SIPA1L1: variants seen among roughly 807,000 people sequenced by gnomAD.
SIPA1L1 encodes signal-induced proliferation-associated 1-like protein 1.
SIPA1L1 carries 26 observed loss-of-function variants against 162.7 expected under a neutral mutation model. That is an observed-to-expected ratio of 0.16 (90% CI 0.12 to 0.22). SIPA1L1 has a LOEUF of 0.22. Among genes scored for constraint, SIPA1L1 ranks in the 10% least tolerant of loss-of-function variants. The pLI is 1.00. For synonymous variants in SIPA1L1, 829 were observed against 837.4 expected (o/e 0.99, Z 0.17); for missense variants, 1,874 against 2,241.0 (o/e 0.84, Z 3.31).
At chr14:71,537,869 C>T (rs1481791229) in intron 4 of SIPA1L1, among the ~76,000 whole-genome samples, 1 of 152,328 alleles carries the variant, frequency 6.6e-6, no homozygotes, top group East Asian at 1.9e-4. Context: ...AAATCTGCCA[C>T]TGTTCCTTTA....
At chr14:71,602,911 A>C (rs762150260) in intron 5 of SIPA1L1, among the ~76,000 whole-genome samples, 1 of 152,242 alleles carries the variant, frequency 6.6e-6, no homozygotes, top group Non-Finnish European at 1.5e-5. Context: ...ATCCATGGAA[A>C]AATTGTCTTC....
chr14:71,425,373 C>T (rs527957181), intron 2 of SIPA1L1, among the ~76,000 whole-genome samples: 6 of 152,196 alleles, frequency 3.9e-5, no homozygotes, highest in South Asian at 2.1e-4. Flanking sequence ...CCTCTCAGCA[C>T]TGCCTTTGCT....
At chr14:71,450,764 A>G (rs1398057039) in intron 2 of SIPA1L1, among the ~76,000 whole-genome samples, 1 of 152,170 alleles carries the variant, frequency 6.6e-6, no homozygotes, top group Non-Finnish European at 1.5e-5. Context: ...AAGTGTTTTG[A>G]GAGGATGGGG....
intron 13 of SIPA1L1, among the ~76,000 whole-genome samples, chr14:71,698,132 G>A (rs987474493): frequency 1.3e-5 from 2 of 152,184 alleles, no homozygotes; most frequent in Non-Finnish European, 2.9e-5. Context: ...ATTTGCTTCT[G>A]AAATAAAATA....
intron 2 of SIPA1L1, among the ~76,000 whole-genome samples, chr14:71,369,872 C>T (rs1242002414): frequency 6.9e-6 from 1 of 144,470 alleles, no homozygotes; most frequent in African/African-American, 2.6e-5. Context: ...TGAAGAGGTC[C>T]TTCACATCCC....
At chr14:71,735,497 C>A in intron 22 of SIPA1L1, 106 bp downstream of exon 22, 2 of 745,786 alleles carry the variant, frequency 2.7e-6, no homozygotes, top group South Asian at 1.6e-5. Context: ...CTGAGTGAAG[C>A]TGATCACTGC....
intron 2 of SIPA1L1, among the ~76,000 whole-genome samples, chr14:71,473,618 A>G (rs2047635106): frequency 1.3e-5 from 2 of 152,200 alleles, no homozygotes; most frequent in Admixed American, 1.3e-4. Context: ...GGAACTACTC[A>G]TGGATAGAAA....
At chr14:71,584,367 G>T (rs2034324817) in intron 4 of SIPA1L1, among the ~76,000 whole-genome samples, 1 of 152,192 alleles carries the variant, frequency 6.6e-6, no homozygotes, top group Non-Finnish European at 1.5e-5. Flanking sequence ...CTGACCTACT[G>T]TGGTACAATT....
At chr14:71,465,658 C>T (rs1250690550) in intron 2 of SIPA1L1, among the ~76,000 whole-genome samples, 2 of 152,170 alleles carry the variant, frequency 1.3e-5, no homozygotes, top group South Asian at 2.1e-4. Context: ...AATGAAAGAA[C>T]TCCATCCTTA....
At chr14:71,735,534 A>G in intron 22 of SIPA1L1, 143 bp downstream of exon 22, 1 of 561,342 alleles carries the variant, frequency 1.8e-6, no homozygotes, top group South Asian at 2.6e-5. Flanking sequence ...CATTTTAGTC[A>G]GAACGCTTTG....
At chr14:71,395,275 A>G (rs2041092659) in intron 2 of SIPA1L1, among the ~76,000 whole-genome samples, 1 of 152,224 alleles carries the variant, frequency 6.6e-6, no homozygotes, top group Non-Finnish European at 1.5e-5. Context: ...GGCAGAGTCC[A>G]GTTTCCTTTT....
intron 4 of SIPA1L1, among the ~76,000 whole-genome samples, chr14:71,566,842 C>A (rs953722068): frequency 3.3e-5 from 5 of 152,060 alleles, no homozygotes; most frequent in Admixed American, 6.5e-5. Context: ...TTTTCAAATA[C>A]AGATATATAA....
At chr14:71,622,051 T>C (rs558557314) in intron 6 of SIPA1L1, among the ~76,000 whole-genome samples, 42 of 152,328 alleles carry the variant, frequency 2.8e-4, no homozygotes, top group Middle Eastern at 6.8e-3. Context: ...CTGAAGCCCA[T>C]TTACCTATTA....
intron 2 of SIPA1L1, among the ~76,000 whole-genome samples, chr14:71,410,394 G>C (rs1214031126): frequency 1.3e-5 from 2 of 152,150 alleles, no homozygotes; most frequent in Non-Finnish European, 2.9e-5. Flanking sequence ...TGGATGTGAT[G>C]CTCTAGCTAA....
At chr14:71,378,309 G>A (rs2039598904) in intron 2 of SIPA1L1, among the ~76,000 whole-genome samples, 1 of 152,026 alleles carries the variant, frequency 6.6e-6, no homozygotes, top group Non-Finnish European at 1.5e-5. Flanking sequence ...TTAGGTAACT[G>A]TGGTAGATCT....
At chr14:71,626,089 A>T (rs567091230) in intron 7 of SIPA1L1, among the ~76,000 whole-genome samples, 2 of 152,364 alleles carry the variant, frequency 1.3e-5, no homozygotes, top group African/African-American at 4.8e-5. Flanking sequence ...TTTTGAAATT[A>T]TGGCCTTCCT....
intron 2 of SIPA1L1, among the ~76,000 whole-genome samples, chr14:71,329,132 T>G (rs2140246498): frequency 6.6e-6 from 1 of 152,346 alleles, no homozygotes; most frequent in Non-Finnish European, 1.5e-5. Flanking sequence ...TTAATAGTAT[T>G]CCGTCGTATG....
chr14:71,671,127 T>C lies in SIPA1L1; in HGVS notation c.2264T>C (p.Val755Ala). The change falls in exon 11 of 24, where the codon GTT becomes GCT. Residue 755 changes from valine to alanine, a missense_variant. Physicochemically the swap from Val to Ala is moderately conservative, Grantham distance 64 (BLOSUM62 0). Transcript: ENST00000381232. ...CSDSVCYSVA[V>A]TRSRDVPSFG... is the part of the protein sequence containing the mutation. ...TGATCTTTGTCTCTCAGTGTGGCTGTTACCAGGTCCAGAGATGTGCCTTCC... is the reference window on the plus strand; with the variant it reads ...TGATCTTTGTCTCTCAGTGTGGCTGCTACCAGGTCCAGAGATGTGCCTTCC... The C allele has an allele frequency of 6.3e-7, 1 of 1,599,372 alleles. No homozygotes were observed. The highest frequency in any genetic ancestry group is 8.5e-7 in the Non-Finnish European group (1 of 1,171,248).
At chr14:71,457,967 T>C (rs1193665288) in intron 2 of SIPA1L1, among the ~76,000 whole-genome samples, 2 of 152,182 alleles carry the variant, frequency 1.3e-5, no homozygotes, top group South Asian at 4.1e-4. Flanking sequence ...GATTTACATT[T>C]TGTAACCTTT....
Sources: allele counts gnomAD v4.1 joint callset (sites outside exome capture counted in the v4.1 genomes callset), GRCh38; gene constraint gnomAD v4.1.1; transcripts MANE v1.5; gene names NCBI Gene and HGNC (gene_info 2026-07-23, HGNC 2026-07-21).